Variants in CCDC141 observed in about 807,000 individuals in gnomAD.
CCDC141 encodes the protein coiled-coil domain containing 141.
In CCDC141, 168 loss-of-function variants were observed where a neutral mutation model predicts 181.0. The ratio of observed to expected loss-of-function variants is 0.93; its 90% CI spans 0.82 to 1.05. The LOEUF (loss-of-function observed/expected upper bound fraction) is 1.05, where lower values mean the gene tolerates loss of function less well. Ranked by LOEUF, CCDC141 falls within the 50% of genes least tolerant of loss-of-function variation. CCDC141 has a pLI of 0.00. For missense variants in CCDC141, 1,902 were observed against 1,788.5 expected, an observed-to-expected ratio of 1.06 and a Z score of -1.14; for synonymous variants, 666 against 642.3, an observed-to-expected ratio of 1.04 and a Z score of -0.56.
rs1034307279 is a variant in CCDC141, at chr2:178,830,380, G to T, written c.*3793C>A. On this transcript the variant is annotated 3_prime_UTR_variant, in exon 24 of 24. Transcript: ENST00000443758. ...CACACAAGTTTTGCAGATGAGGTGA[G>T]AGATTTTCATGAGTGCTTCATTGTT... 6.6e-6 allele frequency: 1 copy of T among 152,176 alleles called. No homozygotes were observed. The highest frequency in any genetic ancestry group is 2.4e-5 in the African/African-American group (1 of 41,456). 9.4% of individuals were successfully genotyped at this position (152,176 alleles called of 1,614,324 possible).
rs184197497 is a variant in CCDC141 at position 178,838,451 on chromosome 2, T to C, written c.3475-707A>G. Among the ~76,000 whole-genome samples the C allele has an allele frequency of 5.3e-5, 8 of 152,346 alleles. No homozygotes were observed. The East Asian group carries it at 1.3e-3, about 26-fold the overall frequency. On this transcript the variant is annotated intron_variant, in intron 22 of 23. Coordinates refer to ENST00000443758, the MANE Select transcript of CCDC141 (RefSeq NM_173648.4). ...CTCTGGCAACCACCATTCTATTCTC[T>C]TGCTCTATGCATTTGACCCCTCTAT...
At chr2:179,023,273 C>T (rs530699678) in intron 2 of CCDC141, among the ~76,000 whole-genome samples, 2 of 152,226 alleles carry the variant, frequency 1.3e-5, no homozygotes, top group South Asian at 2.1e-4. Flanking sequence ...TCACATCCAC[C>T]TTCTGAGGTA....
chr2:178,879,196 C>T (rs6707222), intron 11 of CCDC141, among the ~76,000 whole-genome samples: 130,148 of 152,174 alleles, frequency 0.86, 55,711 homozygotes, highest in East Asian at 0.99. Flanking sequence ...AATTGGATGA[C>T]GTAGAAATAG....
intron 2 of CCDC141, among the ~76,000 whole-genome samples, chr2:178,989,305 A>G (rs1691912075): frequency 6.6e-6 from 1 of 152,224 alleles, no homozygotes; most frequent in South Asian, 2.1e-4. Flanking sequence ...ACTTAACAAT[A>G]GAAAGGGGCT....
At chr2:178,866,915 G>A (rs746957213) in intron 16 of CCDC141, among the ~76,000 whole-genome samples, 20 of 152,242 alleles carry the variant, frequency 1.3e-4, no homozygotes, top group African/African-American at 2.6e-4. Context: ...TAGTAGAGAC[G>A]GAGTTTTGCC....
At position 178,962,635 on chromosome 2, in the gene CCDC141, T is replaced by C. The variant is rs1161028181; in HGVS notation, c.527-1152A>G. 5.2e-4 allele frequency among the ~76,000 whole-genome samples: 49 copies of C among 94,598 alleles called. 1 individual carries two copies. In the South Asian group the frequency reaches 0.018, roughly 36 times the overall value. The allele number at this position is 94,598 out of a possible 152,430, so 62.1% of individuals were successfully genotyped here. A position where few individuals can be genotyped will look rare whatever the true frequency, so the allele number is the denominator to read the frequency against. On this transcript the variant is annotated intron_variant, in intron 4 of 23. Coordinates refer to ENST00000443758, the MANE Select transcript of CCDC141 (RefSeq NM_173648.4). Reference sequence around the variant, plus strand: ...TTTCTTTTCCTTCTTTCCTTCTTTCTTTCCTTTCCTTCTTTCTTTCTTTCC... The same window carrying C: ...TTTCTTTTCCTTCTTTCCTTCTTTCCTTCCTTTCCTTCTTTCTTTCTTTCC...
chr2:179,003,973 T>C (rs1005710482), intron 2 of CCDC141, among the ~76,000 whole-genome samples: 1 of 152,192 alleles, frequency 6.6e-6, no homozygotes, highest in African/African-American at 2.4e-5. Flanking sequence ...AATAATTGTA[T>C]CACATATGCT....
intron 2 of CCDC141, among the ~76,000 whole-genome samples, chr2:179,008,571 A>G (rs943519785): frequency 3.2e-4 from 48 of 152,178 alleles, no homozygotes; most frequent in African/African-American, 1.1e-3. Flanking sequence ...GTCCCACTTC[A>G]GAGGATTCTG....
intron 8 of CCDC141, among the ~76,000 whole-genome samples, chr2:178,895,076 T>G (rs1687342300): frequency 6.6e-6 from 1 of 152,148 alleles, no homozygotes; most frequent in Non-Finnish European, 1.5e-5. Context: ...GGGTCCCACT[T>G]GTACCTGCTT....
At chr2:178,921,323 A>C (rs1688678742) in intron 6 of CCDC141, among the ~76,000 whole-genome samples, 1 of 152,200 alleles carries the variant, frequency 6.6e-6, no homozygotes, top group Admixed American at 6.5e-5. Context: ...AAAACAGTAC[A>C]ATTTCTGGCA....
At chr2:178,966,868 G>T (rs548800089) in intron 4 of CCDC141, among the ~76,000 whole-genome samples, 1 of 151,872 alleles carries the variant, frequency 6.6e-6, no homozygotes, top group Non-Finnish European at 1.5e-5. Flanking sequence ...AAGGTTAGAC[G>T]AATTGCTAAC....
chr2:178,968,473 G>A (rs1483132757), intron 4 of CCDC141, among the ~76,000 whole-genome samples: 1 of 152,108 alleles, frequency 6.6e-6, no homozygotes. Context: ...TGAACAACAT[G>A]CTCCTGAATG....
intron 6 of CCDC141, among the ~76,000 whole-genome samples, chr2:178,937,262 T>TA (rs1003040120): frequency 6.6e-6 from 1 of 152,126 alleles, no homozygotes; most frequent in African/African-American, 2.4e-5. Flanking sequence ...GGAGGTATGT[T>TA]CCTTCAGTAT....
At chr2:178,856,199 T>G in intron 18 of CCDC141, 58 bp downstream of exon 18, 2 of 1,391,652 alleles carry the variant, frequency 1.4e-6, no homozygotes, top group Non-Finnish European at 1.9e-6. Context: ...AATTTTGCAA[T>G]AATTGTGTAG....
At chr2:179,032,286 T>C (rs547031964) in intron 2 of CCDC141, among the ~76,000 whole-genome samples, 1 of 152,132 alleles carries the variant, frequency 6.6e-6, no homozygotes, top group Admixed American at 6.6e-5. Context: ...TTCTGGCCAG[T>C]TTTCCCCTCT....
At chr2:178,936,794 T>C (rs550341585) in intron 6 of CCDC141, among the ~76,000 whole-genome samples, 145 of 152,242 alleles carry the variant, frequency 9.5e-4, no homozygotes, top group African/African-American at 3.2e-3. Context: ...CTAATTCTCA[T>C]TGTAGAGATC....
chr2:178,954,758 C>A (rs1267113770), intron 5 of CCDC141, among the ~76,000 whole-genome samples: 3 of 151,144 alleles, frequency 2.0e-5, no homozygotes, highest in African/African-American at 7.3e-5. Context: ...GCTGATATTT[C>A]ATTAATGTAA....
intron 4 of CCDC141, among the ~76,000 whole-genome samples, chr2:178,966,458 G>C (rs1690637473): frequency 6.6e-6 from 1 of 152,166 alleles, no homozygotes; most frequent in Admixed American, 6.5e-5. Context: ...AGCCTCCACT[G>C]GTGATACCCA....
chr2:179,023,337 G>A (rs1054281865), intron 2 of CCDC141, among the ~76,000 whole-genome samples: 5 of 152,092 alleles, frequency 3.3e-5, no homozygotes, highest in African/African-American at 2.4e-5. Context: ...AAGAGGATAA[G>A]TAACTTCCCC....
Sources: gnomAD v4.1 joint callset for allele counts (sites outside exome capture counted in the v4.1 genomes callset) on GRCh38, gnomAD v4.1.1 for gene constraint, MANE v1.5 for transcripts, NCBI Gene and HGNC (gene_info 2026-07-23, HGNC 2026-07-21) for gene names.